Variants in NBEA observed in about 807,000 individuals in gnomAD.
NBEA encodes neurobeachin, also known as lysosomal-trafficking regulator 2.
A neutral mutation model predicts 343.4 loss-of-function variants in NBEA; 44 were observed. The observed-to-expected ratio is 0.13, with a 90% confidence interval of 0.10 to 0.16. NBEA has a LOEUF of 0.16. NBEA is among the 10% of genes least tolerant of loss of function. The pLI is 1.00. For synonymous variants in NBEA, 1,175 were observed against 1,238.7 expected, an observed-to-expected ratio of 0.95 and a Z score of 1.08; for missense variants, 2,555 against 3,631.3, an observed-to-expected ratio of 0.70 and a Z score of 7.62.
chr13:35,208,783 T>C lies in NBEA; in HGVS notation c.5450T>C (p.Leu1817Pro), dbSNP rs778717660. The change falls in exon 32 of 59, where the codon CTG becomes CCG. Residue 1817 changes from leucine (L) to proline (P), a missense_variant. By Grantham distance (98) the Leu-to-Pro change is moderately conservative. Coordinates refer to ENST00000379939, the MANE Select transcript of NBEA (RefSeq NM_001385012.1). ...TVGATTAGSG[L>P]PTGSTSNIFA... ...GGAGCCACTACTGCTGGAAGTGGGC[T>C]GCCAACAGGCAGTACCTCTAATATA... 1.8e-5 allele frequency: 29 copies of C among 1,611,126 alleles called. No homozygotes were observed.
intron 31 of NBEA, among the ~76,000 whole-genome samples, chr13:35,204,759 T>A (rs1460354511): frequency 1.3e-5 from 2 of 152,180 alleles, no homozygotes; most frequent in East Asian, 3.9e-4. Context: ...TGGCTATGTA[T>A]GTTTTTGAAA....
intron 33 of NBEA, among the ~76,000 whole-genome samples, chr13:35,231,768 A>G (rs1400780172): frequency 6.6e-6 from 1 of 152,138 alleles, no homozygotes; most frequent in Non-Finnish European, 1.5e-5. Flanking sequence ...TAGAGCCAGG[A>G]TTCTAGTCTA....
At chr13:35,018,072 A>C (rs557416074) in intron 1 of NBEA, among the ~76,000 whole-genome samples, 2 of 152,002 alleles carry the variant, frequency 1.3e-5, no homozygotes, top group African/African-American at 2.4e-5. Context: ...TTGTGGGTTT[A>C]TTTTTGGACT....
At chr13:35,073,950 A>C (rs1261443321) in intron 10 of NBEA, among the ~76,000 whole-genome samples, 9 of 152,074 alleles carry the variant, frequency 5.9e-5, no homozygotes, top group Non-Finnish European at 1.3e-4. Context: ...TCAAAAAACC[A>C]CCCCAAATTA....
At chr13:35,525,170 A>G (rs1485384285) in intron 41 of NBEA, among the ~76,000 whole-genome samples, 3 of 152,252 alleles carry the variant, frequency 2.0e-5, no homozygotes, top group Non-Finnish European at 2.9e-5. Flanking sequence ...ACCTTGCTTT[A>G]GTGCCTGGTA....
intron 46 of NBEA, among the ~76,000 whole-genome samples, chr13:35,590,379 G>A (rs959493700): frequency 3.9e-5 from 6 of 152,116 alleles, no homozygotes; most frequent in Non-Finnish European, 7.4e-5. Flanking sequence ...CCTTAAGACA[G>A]TTGTTAATCA....
intron 11 of NBEA, among the ~76,000 whole-genome samples, chr13:35,105,640 G>A (rs1052870450): frequency 3.3e-5 from 5 of 152,042 alleles, no homozygotes; most frequent in East Asian, 1.9e-4. Flanking sequence ...TTGTTGCTAT[G>A]AGAATGCTAA....
At chr13:35,541,602 C>T (rs146515103) in intron 41 of NBEA, among the ~76,000 whole-genome samples, 27 of 152,158 alleles carry the variant, frequency 1.8e-4, no homozygotes, top group African/African-American at 6.5e-4. Flanking sequence ...AGGATACAAA[C>T]TACCACTAAA....
At chr13:35,615,129 C>CAAAAAAAAAAAAAAAAA (rs34475826) in intron 48 of NBEA, among the ~76,000 whole-genome samples, 17 of 110,954 alleles carry the variant, frequency 1.5e-4, no homozygotes, top group South Asian at 5.4e-4. Flanking sequence ...ACTAAAAATA[C>CAAAAAAAAAAAAAAAAA]AAAAAAAAAA....
Position 35,142,553 on chromosome 13 carries a change from T to C in NBEA, c.2445+176T>C, listed in dbSNP as rs2068147875. 2.0e-5 allele frequency among the ~76,000 whole-genome samples: 3 copies of C among 152,164 alleles called. No homozygotes were observed. In the South Asian group the frequency reaches 6.2e-4, roughly 32 times the overall value. ...TATTTTTATTTTATTTTAAAACATA[T>C]CCATGTACAATTTTTGCCAATTTCT... is the stretch of plus-strand genomic sequence containing the variant. On this transcript the variant is annotated intron_variant, in intron 18 of 58. Transcript: ENST00000379939.
At chr13:35,535,310 A>AGTTTT (rs200212490) in intron 41 of NBEA, among the ~76,000 whole-genome samples, 2,103 of 152,278 alleles carry the variant, frequency 0.014, 28 homozygotes, top group African/African-American at 0.046. Flanking sequence ...TTTTTTGTTT[A>AGTTTT]GTTTTGTTTT....
intron 24 of NBEA, among the ~76,000 whole-genome samples, chr13:35,164,730 C>G (rs977955422): frequency 1.3e-5 from 2 of 152,106 alleles, no homozygotes; most frequent in African/African-American, 4.8e-5. Flanking sequence ...ATGAATACTT[C>G]ATCAGAAGAG....
At chr13:35,234,063 G>A (rs760437015) in intron 34 of NBEA, among the ~76,000 whole-genome samples, 14 of 152,040 alleles carry the variant, frequency 9.2e-5, no homozygotes, top group Non-Finnish European at 1.3e-4. Flanking sequence ...AGATGTTCTT[G>A]GTATGATCTA....
rs1237498780 is a variant in NBEA at position 35,521,461 on chromosome 13, A to T, written c.6586-29016A>T. On this transcript the variant is annotated intron_variant, in intron 41 of 58. Coordinates refer to ENST00000379939, the MANE Select transcript of NBEA (RefSeq NM_001385012.1). ...TTATTTTAAGCAATAGGAGTAGCTC[A>T]TGAAATCCCATGACAAGAACAGGCA... Among the ~76,000 whole-genome samples the T allele has an allele frequency of 3.9e-5, 6 of 152,220 alleles. No homozygotes were observed. In the East Asian group the frequency reaches 1.2e-3, roughly 29 times the overall value.
At chr13:35,389,432 T>C (rs1489969488) in intron 38 of NBEA, among the ~76,000 whole-genome samples, 3 of 152,190 alleles carry the variant, frequency 2.0e-5, no homozygotes, top group African/African-American at 7.2e-5. Flanking sequence ...ATTTAAATTC[T>C]AGAAATTTGT....
intron 38 of NBEA, among the ~76,000 whole-genome samples, chr13:35,393,823 TAGAC>T (rs932333625): frequency 2.0e-5 from 3 of 152,238 alleles, no homozygotes; most frequent in African/African-American, 2.4e-5. Flanking sequence ...TGTATTTGAT[TAGAC>T]AGAGCAAACC....
At position 35,098,352 on chromosome 13, in the gene NBEA, G is replaced by A; in HGVS notation, c.1627G>A (p.Glu543Lys). ...ACTTAAAAGTTCAGTAGCCATGCAA[G>A]AACAGATGCTGGGTGGAAAAGGCTT... is the stretch of plus-strand genomic sequence containing the variant. Reference protein sequence around the residue: ...ELLKSSVAMQEQMLGGKGFLV... With the variant: ...ELLKSSVAMQKQMLGGKGFLV... The change falls in exon 11 of 59, where the codon GAA (glutamate) becomes AAA (lysine). Residue 543 changes from glutamate (E) to lysine (K), a missense_variant. Glu to Lys is a moderately conservative substitution (Grantham distance 56). Transcript: ENST00000379939. 6.3e-7 allele frequency: 1 copy of A among 1,594,480 alleles called. No individual in the cohort carries two copies. The highest frequency in any genetic ancestry group is 8.6e-7 in the Non-Finnish European group (1 of 1,169,208).
chr13:35,012,012 C>T (rs2061506693), intron 1 of NBEA, among the ~76,000 whole-genome samples: 1 of 152,088 alleles, frequency 6.6e-6, no homozygotes, highest in South Asian at 2.1e-4. Context: ...AGATACTATT[C>T]CCAGTAAGTT....
chr13:35,492,863 G>A (rs536128777), intron 41 of NBEA, among the ~76,000 whole-genome samples: 1 of 151,892 alleles, frequency 6.6e-6, no homozygotes, highest in Non-Finnish European at 1.5e-5. Context: ...AAAAGGAATG[G>A]GAGATAACGA....
Sources: gnomAD v4.1 joint callset for allele counts (sites outside exome capture counted in the v4.1 genomes callset) on GRCh38, gnomAD v4.1.1 for gene constraint, MANE v1.5 for transcripts, NCBI Gene and HGNC (gene_info 2026-07-23, HGNC 2026-07-21) for gene names.